Variants in MCF2 observed in about 807,000 individuals in gnomAD.
MCF2 encodes proto-oncogene DBL.
MCF2 carries 44 observed loss-of-function variants against 82.5 expected under a neutral mutation model. The ratio of observed to expected loss-of-function variants is 0.53; its 90% confidence interval spans 0.42 to 0.69. The LOEUF (loss-of-function observed/expected upper bound fraction) is 0.69, where lower values mean the gene tolerates loss of function less well. Ranked by LOEUF, MCF2 falls within the 30% of genes least tolerant of loss-of-function variation. MCF2 has a pLI of 0.00. For missense variants in MCF2, 623 were observed against 663.1 expected (o/e 0.94, Z 0.66); for synonymous variants, 217 against 224.9 (o/e 0.96, Z 0.32).
upstream of MCF2, among the ~76,000 whole-genome samples, chrX:139,645,877 A>G (rs1221211417): frequency 9.0e-6 from 1 of 111,533 alleles, no homozygotes; most frequent in African/African-American, 3.3e-5. Context: ...ATTAATGTCA[A>G]TCTTTTAAAT....
chrX:139,629,170 C>G (rs1932839373), intron 4 of MCF2, among the ~76,000 whole-genome samples: 2 of 112,164 alleles, frequency 1.8e-5, no homozygotes, highest in African/African-American at 6.5e-5. Flanking sequence ...TACTGGACAC[C>G]TAGGCTACAG....
chrX:139,672,516 T>TA (rs769427041), intron 1 of MCF2, among the ~76,000 whole-genome samples: 2 of 112,489 alleles, frequency 1.8e-5, no homozygotes, highest in African/African-American at 3.2e-5. Context: ...TGAGAGTTTT[T>TA]AGCATGAAGC....
At chrX:139,676,939 T>C (rs951814344) in intron 1 of MCF2, among the ~76,000 whole-genome samples, 5 of 110,942 alleles carry the variant, frequency 4.5e-5, no homozygotes, top group Non-Finnish European at 9.4e-5. Flanking sequence ...TGAAACTGTC[T>C]CTCTAAGATA....
At chrX:139,629,770 C>A in exon 4 of MCF2, 1 of 1,208,408 alleles carries the variant, frequency 8.3e-7, no homozygotes, top group Non-Finnish European at 1.1e-6. Flanking sequence ...GTAGTTCTGT[C>A]TCAGCCAGTT....
At chrX:139,607,812 C>A in intron 11 of MCF2, 33 bp from the exon 16 acceptor site, 1 of 975,143 alleles carries the variant, frequency 1.0e-6, no homozygotes, top group Non-Finnish European at 1.4e-6. Context: ...TAAATTAGCA[C>A]CTCTGTAGGT....
At chrX:139,642,679 G>T in exon 1 of MCF2, 1 of 1,079,184 alleles carries the variant, frequency 9.3e-7, no homozygotes, top group Non-Finnish European at 1.2e-6. Flanking sequence ...CAATGCTGGG[G>T]AGGAAAAAAA....
At chrX:139,688,305 G>A (rs1935177815) in intron 1 of MCF2, among the ~76,000 whole-genome samples, 1 of 111,371 alleles carries the variant, frequency 9.0e-6, no homozygotes, top group African/African-American at 3.3e-5. Context: ...AGGTTCAGGG[G>A]TCAGGAAGGT....
Position 139,631,299 on chromosome X carries a change from GT to G in MCF2, c.288+95del, listed in dbSNP as rs766038167. 3.1e-5 allele frequency: 14 copies of G among 456,451 alleles called. No homozygotes were observed. In the South Asian group the frequency reaches 7.8e-4, roughly 25 times the overall value. The allele number at this position is 456,451 out of a possible 1,213,427, so 37.6% of individuals were successfully genotyped here. ...AGCTGGGGTTTTTTTGTTTTGTTTT[GT>G]TTTGTTTTTTTCAAATAGGAAAGAA... On this transcript the variant is annotated intron_variant, in intron 3 of 24. Coordinates refer to ENST00000370576, the Ensembl canonical transcript of MCF2.
At chrX:139,694,995 C>T (rs1481058959) in intron 1 of MCF2, among the ~76,000 whole-genome samples, 1 of 106,241 alleles carries the variant, frequency 9.4e-6, no homozygotes, top group African/African-American at 3.4e-5. Flanking sequence ...TTGGGGGAAA[C>T]TTGGTAAAGG....
intron 6 of MCF2, among the ~76,000 whole-genome samples, chrX:139,621,793 C>A (rs1932385088): frequency 9.0e-6 from 1 of 111,488 alleles, no homozygotes; most frequent in African/African-American, 3.3e-5. Flanking sequence ...AAAACCTAGG[C>A]AATACCATTC....
chrX:139,631,543 C>T, intron 2 of MCF2, 32 bp from the exon 6 acceptor site: 2 of 879,929 alleles, frequency 2.3e-6, no homozygotes, highest in Non-Finnish European at 3.3e-6. Context: ...ATACTGTTAA[C>T]TGCCCTTCAT....
chrX:139,674,523 G>A (rs1934806517), intron 1 of MCF2, among the ~76,000 whole-genome samples: 1 of 111,830 alleles, frequency 8.9e-6, no homozygotes, highest in Non-Finnish European at 1.9e-5. Context: ...GCCTGGTGGT[G>A]ACAAAATCTC....
At chrX:139,616,747 A>T (rs1176688247) in intron 8 of MCF2, among the ~76,000 whole-genome samples, 1 of 111,472 alleles carries the variant, frequency 9.0e-6, no homozygotes, top group Non-Finnish European at 1.9e-5. Flanking sequence ...TTTCACAACA[A>T]CTAATTTATT....
exon 8 of MCF2, chrX:139,617,669 A>C: frequency 1.7e-6 from 2 of 1,195,207 alleles, no homozygotes; most frequent in Non-Finnish European, 2.3e-6. Context: ...GCTTGTGTCC[A>C]TGTAATATCA....
intron 19 of MCF2, among the ~76,000 whole-genome samples, chrX:139,595,870 G>GTT (rs772903934): frequency 9.0e-6 from 1 of 111,681 alleles, no homozygotes; most frequent in African/African-American, 3.2e-5. Flanking sequence ...GAAACCAGCT[G>GTT]TAAGTATCAT....
intron 1 of MCF2, among the ~76,000 whole-genome samples, chrX:139,661,845 T>C (rs763509398): frequency 8.9e-6 from 1 of 112,184 alleles, no homozygotes; most frequent in Non-Finnish European, 1.9e-5. Flanking sequence ...ATGACACATA[T>C]GTATATAAAT....
chrX:139,610,189 G>T, intron 11 of MCF2, 112 bp downstream of exon 15: 1 of 492,927 alleles, frequency 2.0e-6, no homozygotes, highest in Admixed American at 4.7e-5. Flanking sequence ...CTTTTAAATA[G>T]TCTTTCAAAG....
intron 1 of MCF2, among the ~76,000 whole-genome samples, chrX:139,668,481 A>G (rs1306972211): frequency 9.0e-6 from 1 of 111,150 alleles, no homozygotes; most frequent in Non-Finnish European, 1.9e-5. Flanking sequence ...TTCCATGGCC[A>G]GGATTGCATG....
At chrX:139,603,390 C>T (rs765859549) in intron 15 of MCF2, among the ~76,000 whole-genome samples, 1 of 112,230 alleles carries the variant, frequency 8.9e-6, no homozygotes, top group Non-Finnish European at 1.9e-5. Flanking sequence ...AGAAAATTCA[C>T]GTATATATGT....
Sources: allele counts gnomAD v4.1 joint callset (sites outside exome capture counted in the v4.1 genomes callset), GRCh38; gene constraint gnomAD v4.1.1; transcripts MANE v1.5; gene names NCBI Gene and HGNC (gene_info 2026-07-23, HGNC 2026-07-21).